Variants in PDE4D observed in about 807,000 individuals in gnomAD.
The protein encoded by PDE4D is 3',5'-cyclic-AMP phosphodiesterase 4D.
PDE4D carries 24 observed loss-of-function variants against 87.4 expected under a neutral mutation model. That is an observed-to-expected ratio of 0.27 (90% CI 0.20 to 0.39). PDE4D has a LOEUF of 0.39. PDE4D is among the 10% of genes least tolerant of loss of function. PDE4D has a pLI of 1.00. For missense variants in PDE4D, 714 were observed against 1,041.0 expected (o/e 0.69, Z 4.32); for synonymous variants, 384 against 383.2 (o/e 1.00, Z -0.02).
At chr5:59,240,526 A>G (rs1048496547) in intron 1 of PDE4D, among the ~76,000 whole-genome samples, 1 of 152,114 alleles carries the variant, frequency 6.6e-6, no homozygotes, top group African/African-American at 2.4e-5. Flanking sequence ...ATGTCTGTAA[A>G]ACACTAAGCT....
intron 1 of PDE4D, among the ~76,000 whole-genome samples, chr5:59,594,914 T>TA (rs964926719): frequency 2.9e-3 from 444 of 151,218 alleles, no homozygotes; most frequent in African/African-American, 9.3e-3. Flanking sequence ...GGTTCAATTG[T>TA]AAAAAAAAAT....
At chr5:60,437,469 C>T (rs1453029869) in intron 1 of PDE4D, among the ~76,000 whole-genome samples, 2 of 152,046 alleles carry the variant, frequency 1.3e-5, no homozygotes, top group Admixed American at 1.3e-4. Flanking sequence ...ACAAGAAAAG[C>T]TAAGTGGCCA....
At chr5:60,402,339 G>T (rs1741165387) in intron 1 of PDE4D, among the ~76,000 whole-genome samples, 1 of 152,190 alleles carries the variant, frequency 6.6e-6, no homozygotes, top group South Asian at 2.1e-4. Flanking sequence ...TCTCTGAGTT[G>T]CAGTTCCCCA....
At chr5:60,116,102 A>C (rs1245550286) in intron 2 of PDE4D, among the ~76,000 whole-genome samples, 5 of 152,178 alleles carry the variant, frequency 3.3e-5, no homozygotes, top group African/African-American at 1.2e-4. Context: ...ACTCATCTCC[A>C]GAAAGGTCTT....
At chr5:59,980,434 C>T (rs1761805384) in intron 3 of PDE4D, among the ~76,000 whole-genome samples, 1 of 152,194 alleles carries the variant, frequency 6.6e-6, no homozygotes, top group South Asian at 2.1e-4. Flanking sequence ...CAACCAATCT[C>T]TATTACTAAA....
intron 1 of PDE4D, among the ~76,000 whole-genome samples, chr5:60,215,335 T>G (rs1743737652): frequency 6.6e-6 from 1 of 152,158 alleles, no homozygotes; most frequent in Non-Finnish European, 1.5e-5. Flanking sequence ...TTAAGGCTAC[T>G]TGCAATGGGA....
intron 1 of PDE4D, among the ~76,000 whole-genome samples, chr5:59,719,558 C>T (rs1755531891): frequency 6.6e-6 from 1 of 152,146 alleles, no homozygotes; most frequent in Non-Finnish European, 1.5e-5. Context: ...AGTTAGTACT[C>T]CTGAGCTGGT....
chr5:59,893,057 C>T (rs1160648075), intron 1 of PDE4D, 111 bp downstream of exon 1: 9 of 1,111,126 alleles, frequency 8.1e-6, no homozygotes, highest in Non-Finnish European at 1.3e-6. Context: ...TCCAGACTAG[C>T]ATTTTACCCT....
chr5:59,681,745 T>C (rs1749044981), intron 1 of PDE4D, among the ~76,000 whole-genome samples: 2 of 151,524 alleles, frequency 1.3e-5, no homozygotes, highest in South Asian at 2.1e-4. Flanking sequence ...CTAAACAAAA[T>C]ACAAAAAATT....
chr5:59,112,106 C>T (rs1329969588), intron 5 of PDE4D, among the ~76,000 whole-genome samples: 2 of 151,998 alleles, frequency 1.3e-5, no homozygotes, highest in East Asian at 1.9e-4. Context: ...CATGGATGGC[C>T]TAATGGAGAT....
intron 1 of PDE4D, among the ~76,000 whole-genome samples, chr5:60,368,804 A>G (rs2149977421): frequency 6.6e-6 from 1 of 152,054 alleles, no homozygotes; most frequent in East Asian, 1.9e-4. Context: ...TGCTCCATCC[A>G]AGTGAAGATG....
chr5:59,761,300 G>T (rs1045780601), intron 1 of PDE4D, among the ~76,000 whole-genome samples: 1 of 152,086 alleles, frequency 6.6e-6, no homozygotes, highest in Non-Finnish European at 1.5e-5. Context: ...GAAGGCCTGG[G>T]ACATTTCCAC....
Position 58,972,681 on chromosome 5 carries a change from TA to T in PDE4D, c.*1982del, listed in dbSNP as rs1742825022. The T allele has an allele frequency of 1.3e-5, 2 of 152,190 alleles. No homozygotes were observed. Among genetic ancestry groups the T allele is most frequent in the South Asian group, 4.1e-4 (2 of 4,832 alleles). 9.4% of individuals were successfully genotyped at this position (152,190 alleles called of 1,614,324 possible). On this transcript the variant is annotated 3_prime_UTR_variant, in exon 15 of 15. Coordinates refer to ENST00000340635, the MANE Select transcript of PDE4D (RefSeq NM_001104631.2). ...ATGTGAAAAATGATTATTTGGGCTT[TA>T]AAGTCTTCATAGAGAAGGTAAAGAA...
Position 60,008,086 on chromosome 5 carries a change from T to C in PDE4D, c.43-19369A>G, listed in dbSNP as rs945781664. ...TTATTCTATATGGTTAATGGAAATA[T>C]GTTTTCTTATTATTAATACCAGTGT... is the stretch of plus-strand genomic sequence containing the variant. On this transcript the variant is annotated intron_variant, in intron 2 of 16. Transcript: ENST00000502484. Among the ~76,000 whole-genome samples the C allele has an allele frequency of 1.4e-4, 22 of 152,172 alleles. No individual in the cohort carries two copies. The East Asian group carries it at 2.7e-3, about 19-fold the overall frequency.
chr5:60,139,857 G>A (rs946950797), intron 2 of PDE4D, among the ~76,000 whole-genome samples: 1 of 151,974 alleles, frequency 6.6e-6, no homozygotes, highest in Non-Finnish European at 1.5e-5. Flanking sequence ...GTGATTGGGT[G>A]TATCATGAAT....
intron 5 of PDE4D, among the ~76,000 whole-genome samples, chr5:59,094,915 G>A (rs1769416609): frequency 1.3e-5 from 2 of 152,014 alleles, no homozygotes; most frequent in Admixed American, 1.3e-4. Context: ...TGGAGCTCCT[G>A]AGACTTCTTT....
intron 1 of PDE4D, among the ~76,000 whole-genome samples, chr5:60,336,658 C>T (rs1018840324): frequency 2.0e-5 from 3 of 152,190 alleles, no homozygotes; most frequent in African/African-American, 4.8e-5. Context: ...CTCACTCCCT[C>T]CTCTCTTTTT....
At chr5:58,976,907 A>T (rs1184359209) in intron 12 of PDE4D, among the ~76,000 whole-genome samples, 1 of 152,192 alleles carries the variant, frequency 6.6e-6, no homozygotes, top group Non-Finnish European at 1.5e-5. Flanking sequence ...GGCCCACACA[A>T]TCTGCTTTTG....
At chr5:59,990,578 T>A (rs1009516341) in intron 2 of PDE4D, among the ~76,000 whole-genome samples, 2 of 152,306 alleles carry the variant, frequency 1.3e-5, no homozygotes, top group East Asian at 1.9e-4. Flanking sequence ...AGAAAGTTCA[T>A]TTATTTCAAA....
Sources: allele counts gnomAD v4.1 joint callset (sites outside exome capture counted in the v4.1 genomes callset), GRCh38; gene constraint gnomAD v4.1.1; transcripts MANE v1.5; gene names NCBI Gene and HGNC (gene_info 2026-07-23, HGNC 2026-07-21).